The following ATRN variants were observed in gnomAD, a reference collection of about 807,000 sequenced individuals.
The protein encoded by ATRN is attractin-2.
In ATRN, 54 loss-of-function variants were observed where a neutral mutation model predicts 178.7. The observed-to-expected ratio is 0.30, with a 90% CI of 0.24 to 0.38. ATRN has a LOEUF of 0.38. Among genes scored for constraint, ATRN ranks in the 10% least tolerant of loss-of-function variants. The pLI, the probability that ATRN is intolerant of heterozygous loss-of-function variation, is 1.00. For missense variants in ATRN, 1,443 were observed against 1,815.1 expected, an observed-to-expected ratio of 0.79 and a Z score of 3.73; for synonymous variants, 636 against 663.0, an observed-to-expected ratio of 0.96 and a Z score of 0.63.
chr20:3,613,628 C>G (rs2086796671), intron 24 of ATRN, among the ~76,000 whole-genome samples: 1 of 152,226 alleles, frequency 6.6e-6, no homozygotes, highest in East Asian at 1.9e-4. Flanking sequence ...AGTTAAATTT[C>G]AGTATGGCTT....
At chr20:3,536,239 C>T (rs915983774) in intron 2 of ATRN, among the ~76,000 whole-genome samples, 14 of 151,850 alleles carry the variant, frequency 9.2e-5, no homozygotes, top group Admixed American at 5.2e-4. Flanking sequence ...GATGTCATCT[C>T]GCTCTGTGGC....
chr20:3,522,332 T>A (rs238705), intron 1 of ATRN, among the ~76,000 whole-genome samples: 40,629 of 152,086 alleles, frequency 0.27, 5,982 homozygotes, highest in African/African-American at 0.33. Context: ...GATGTAAATG[T>A]TCTAAATTTC....
chr20:3,476,145 C>T (rs1568675901), intron 1 of ATRN, among the ~76,000 whole-genome samples: 2 of 152,096 alleles, frequency 1.3e-5, no homozygotes, highest in African/African-American at 4.8e-5. Context: ...ACCCTTGTCA[C>T]AAAAAAACAA....
intron 14 of ATRN, among the ~76,000 whole-genome samples, chr20:3,578,010 A>T (rs775906934): frequency 2.0e-5 from 3 of 152,184 alleles, no homozygotes; most frequent in Non-Finnish European, 4.4e-5. Context: ...GTTCAGGATG[A>T]TCACAGGTAG....
rs1480050910 is a variant in ATRN, at chr20:3,537,159, A to C, written c.494+1823A>C. 3.3e-5 allele frequency among the ~76,000 whole-genome samples: 5 copies of C among 152,226 alleles called. No individual in the cohort carries two copies. The East Asian group carries it at 9.6e-4, about 29-fold the overall frequency. ...GGTTAGTATCCCCATCAATCTCCTCAAAAAGTTCTAAGTATGGCAGTTAAC... is the reference window on the plus strand; with the variant it reads ...GGTTAGTATCCCCATCAATCTCCTCCAAAAGTTCTAAGTATGGCAGTTAAC... On this transcript the variant is annotated intron_variant, in intron 2 of 28. Coordinates refer to ENST00000262919, the MANE Select transcript of ATRN (RefSeq NM_139321.3).
At chr20:3,509,693 G>A (rs757494166) in intron 1 of ATRN, among the ~76,000 whole-genome samples, 1 of 151,910 alleles carries the variant, frequency 6.6e-6, no homozygotes, top group Non-Finnish European at 1.5e-5. Flanking sequence ...TAGTAGAGGT[G>A]GGGTTTTGCC....
intron 10 of ATRN, among the ~76,000 whole-genome samples, chr20:3,564,457 T>A (rs1274058712): frequency 1.3e-5 from 2 of 152,138 alleles, no homozygotes; most frequent in Non-Finnish European, 2.9e-5. Flanking sequence ...GACCGGCACA[T>A]ATTTAAGGGC....
intron 10 of ATRN, among the ~76,000 whole-genome samples, chr20:3,564,479 G>T (rs1202203109): frequency 3.3e-5 from 5 of 152,202 alleles, no homozygotes; most frequent in African/African-American, 1.2e-4. Context: ...CAAAGAGTGA[G>T]ACACTGAGTG....
chr20:3,494,009 G>A (rs976856315), intron 1 of ATRN, among the ~76,000 whole-genome samples: 1 of 152,140 alleles, frequency 6.6e-6, no homozygotes, highest in African/African-American at 2.4e-5. Context: ...TAGTGTAGTG[G>A]GCAGAGATTA....
At chr20:3,555,835 A>G (rs2085869475) in intron 6 of ATRN, among the ~76,000 whole-genome samples, 1 of 152,242 alleles carries the variant, frequency 6.6e-6, no homozygotes, top group Non-Finnish European at 1.5e-5. Flanking sequence ...AGCTAGTGCA[A>G]ATATTCTATG....
intron 1 of ATRN, chr20:3,489,864 C>T (rs879118091): frequency 5.5e-6 from 7 of 1,283,488 alleles, no homozygotes; most frequent in African/African-American, 1.5e-5. Flanking sequence ...GTAGGGAATG[C>T]GTTTGCCATC....
chr20:3,575,901 T>A lies in ATRN; in HGVS notation c.2167T>A (p.Cys723Ser). The A allele has an allele frequency of 6.2e-7, 1 of 1,614,162 alleles. No homozygotes were observed. The highest frequency in any genetic ancestry group is 1.3e-5 in the African/African-American group (1 of 75,040). Residue 723 changes from cysteine (C) to serine (S), a missense_variant, in exon 13 of 29, where the codon TGC (cysteine) becomes AGC (serine). This residue lies in a region of ATRN where 862 missense variants were observed against 972.1 expected (regional missense o/e 0.89). Transcript: ENST00000262919. The part of the protein sequence containing the change: ...CTANTNDCHW[C>S]NDHCVPRNHS... ...AGCCAACACCAATGACTGCCACTGGTGCAATGACCATTGTGTCCCCAGGAA... is the reference window on the plus strand; with the variant it reads ...AGCCAACACCAATGACTGCCACTGGAGCAATGACCATTGTGTCCCCAGGAA...
intron 1 of ATRN, among the ~76,000 whole-genome samples, chr20:3,476,851 ACT>A (rs2146059100): frequency 6.6e-6 from 1 of 152,242 alleles, no homozygotes; most frequent in Non-Finnish European, 1.5e-5. Flanking sequence ...CAAAAGCAAA[ACT>A]CTGTCTCGAA....
At position 3,547,292 on chromosome 20, in the gene ATRN, T is replaced by C. The variant is rs2085717709; in HGVS notation, c.746T>C (p.Met249Thr). Residue 249 changes from methionine to threonine, a missense_variant, in exon 5 of 29, where the codon ATG (methionine) becomes ACG (threonine). By Grantham distance (81) the Met-to-Thr change is moderately conservative. Around this residue, in one of 4 missense-constraint regions of ATRN, gnomAD observed 862 missense variants for 972.1 expected, o/e 0.89. Transcript: ENST00000262919. The stretch of plus-strand genomic sequence containing the variant: ...CCCTGCTATTTTTACAGTTTTGATA[T>C]GTGTCCAAATAACTGCTCAGGCCGA... ...TGFNITYSFDMCPNNCSGRGE... is the reference protein window; with the variant it reads ...TGFNITYSFDTCPNNCSGRGE... 2 of 1,613,100 alleles carry C rather than the reference T, an allele frequency of 1.2e-6. No homozygotes were observed. The highest frequency in any genetic ancestry group is 2.2e-5 in the East Asian group (1 of 44,882).
At chr20:3,565,796 C>CAAAAAAAAAAAAAAAAAAAAAAAAAAA in intron 11 of ATRN, among the ~76,000 whole-genome samples, 1 of 100,240 alleles carries the variant, frequency 1.0e-5, no homozygotes. Flanking sequence ...GACTCTGTCT[C>CAAAAAAAAAAAAAAAAAAAAAAAAAAA]AAAAAAAAAA....
intron 12 of ATRN, among the ~76,000 whole-genome samples, chr20:3,574,933 G>A (rs2086183564): frequency 6.6e-6 from 1 of 150,436 alleles, no homozygotes; most frequent in Admixed American, 6.7e-5. Context: ...TGGTTGAACA[G>A]ATGAGACAAC....
chr20:3,543,332 A>G (rs2085651282), intron 3 of ATRN, among the ~76,000 whole-genome samples: 2 of 152,200 alleles, frequency 1.3e-5, no homozygotes, highest in South Asian at 2.1e-4. Flanking sequence ...TGCTTAGTAA[A>G]TATTTGTTAG....
intron 25 of ATRN, among the ~76,000 whole-genome samples, chr20:3,626,359 A>AT (rs1472840418): frequency 2.0e-5 from 3 of 151,888 alleles, no homozygotes; most frequent in Non-Finnish European, 4.4e-5. Context: ...TAGTGCTGTT[A>AT]TAATTCCCAC....
intron 3 of ATRN, among the ~76,000 whole-genome samples, chr20:3,540,709 TC>T (rs1357627203): frequency 6.6e-6 from 1 of 152,208 alleles, no homozygotes; most frequent in East Asian, 1.9e-4. Flanking sequence ...TCCATCATGT[TC>T]CTTGTGTATT....
Sources: gnomAD v4.1 joint callset for allele counts (sites outside exome capture counted in the v4.1 genomes callset) on GRCh38, gnomAD v4.1.1 for gene constraint, gnomAD v4.1.1 regional missense constraint, MANE v1.5 for transcripts, NCBI Gene and HGNC (gene_info 2026-07-23, HGNC 2026-07-21) for gene names.